AGL: variants seen among roughly 807,000 people sequenced by gnomAD.
AGL encodes the protein glycogen debranching enzyme.
In AGL, 128 loss-of-function variants were observed where a neutral mutation model predicts 199.3. The ratio of observed to expected loss-of-function variants is 0.64; its 90% CI spans 0.56 to 0.74. The LOEUF (loss-of-function observed/expected upper bound fraction) is 0.74. Ranked by LOEUF, AGL falls within the 30% of genes least tolerant of loss-of-function variation. AGL has a pLI of 0.00. For synonymous variants in AGL, 584 were observed against 594.7 expected (o/e 0.98, Z 0.26); for missense variants, 1,809 against 1,820.8 (o/e 0.99, Z 0.12).
chr1:99,872,729 A>C (rs947724562), intron 7 of AGL, among the ~76,000 whole-genome samples: 1 of 152,098 alleles, frequency 6.6e-6, no homozygotes, highest in African/African-American at 2.4e-5. Context: ...GGGTTTCACC[A>C]TGTTGGCCAG....
At chr1:99,855,798 C>A (rs1344902826) in intron 2 of AGL, among the ~76,000 whole-genome samples, 1 of 149,310 alleles carries the variant, frequency 6.7e-6, no homozygotes, top group Non-Finnish European at 1.5e-5. Flanking sequence ...GAGACTCGGT[C>A]TCAAAAAAAA....
At chr1:99,900,514 A>G (rs552556790) in intron 25 of AGL, 122 bp from the exon 26 acceptor site, 6 of 898,926 alleles carry the variant, frequency 6.7e-6, no homozygotes, top group African/African-American at 6.6e-5. Context: ...ACATGAAAAT[A>G]TAAAGAAATA....
At chr1:99,880,996 C>A in intron 14 of AGL, 80 bp from the exon 15 acceptor site, 1 of 1,313,562 alleles carries the variant, frequency 7.6e-7, no homozygotes. Context: ...TGTAATTATC[C>A]TTTTACTTCA....
At chr1:99,875,329 A>G in intron 9 of AGL, 29 bp from the exon 10 acceptor site, 1 of 1,613,346 alleles carries the variant, frequency 6.2e-7, no homozygotes, top group South Asian at 1.1e-5. Flanking sequence ...GAGGATGGTG[A>G]TGATCTAACA....
intron 27 of AGL, among the ~76,000 whole-genome samples, chr1:99,905,379 T>C (rs1654200605): frequency 9.2e-6 from 1 of 108,390 alleles, no homozygotes; most frequent in South Asian, 2.8e-4. Context: ...GTATTTGTTG[T>C]TGTTGTTGTT....
At chr1:99,889,918 A>G (rs1401401447) in intron 21 of AGL, among the ~76,000 whole-genome samples, 1 of 152,178 alleles carries the variant, frequency 6.6e-6, no homozygotes, top group Non-Finnish European at 1.5e-5. Context: ...GCAGGCTGCT[A>G]ATAAGAGCCT....
At position 99,900,823 on chromosome 1, in the gene AGL, C is replaced by A. The variant is rs144788314; in HGVS notation, c.3550C>A (p.Pro1184Thr). The change falls in exon 26 of 34, where the codon CCT (proline) becomes ACT (threonine). Residue 1184 changes from proline to threonine, a missense_variant. Coordinates refer to ENST00000361915, the MANE Select transcript of AGL (RefSeq NM_000642.3). Reference protein sequence around the residue: ...ILKCPVSRMYPTDDSAPLPAG... With the variant: ...ILKCPVSRMYTTDDSAPLPAG... ...CAAGTGCCCAGTTTCCAGAATGTAT[C>A]CTACAGATGATTCTGCTCCTTTGCC... The A allele has an allele frequency of 7.4e-6, 12 of 1,613,272 alleles. No homozygotes were observed. The highest frequency in any genetic ancestry group is 9.3e-6 in the Non-Finnish European group (11 of 1,179,564).
chr1:99,889,057 A>G (rs1652675731), intron 21 of AGL, among the ~76,000 whole-genome samples: 1 of 150,406 alleles, frequency 6.6e-6, no homozygotes, highest in Non-Finnish European at 1.5e-5. Flanking sequence ...GACTAGTTTT[A>G]TAACCTGAAG....
chr1:99,907,776 T>C (rs111828545), intron 27 of AGL, among the ~76,000 whole-genome samples: 311 of 151,628 alleles, frequency 2.1e-3, no homozygotes, highest in Non-Finnish European at 3.3e-3. Context: ...GATTTCTTAG[T>C]GATGTTGAGC....
At chr1:99,859,364 T>A (rs1007276045) in intron 2 of AGL, among the ~76,000 whole-genome samples, 21 of 150,908 alleles carry the variant, frequency 1.4e-4, no homozygotes, top group African/African-American at 4.2e-4. Context: ...GTTTTTTTTT[T>A]AATTAGGATT....
At chr1:99,919,332 G>A (rs1372959425) in intron 33 of AGL, among the ~76,000 whole-genome samples, 1 of 152,142 alleles carries the variant, frequency 6.6e-6, no homozygotes, top group Non-Finnish European at 1.5e-5. Context: ...TATCAGACAG[G>A]AGGGAAATTC....
intron 2 of AGL, among the ~76,000 whole-genome samples, chr1:99,852,107 A>G (rs1649000392): frequency 6.6e-6 from 1 of 151,758 alleles, no homozygotes; most frequent in Non-Finnish European, 1.5e-5. Context: ...TCACTTTTTA[A>G]TTAATTATGG....
intron 33 of AGL, among the ~76,000 whole-genome samples, chr1:99,917,323 T>C (rs1383922955): frequency 1.3e-5 from 2 of 152,080 alleles, no homozygotes; most frequent in Non-Finnish European, 2.9e-5. Flanking sequence ...CAGCACAAAT[T>C]TTATCTCCTT....
intron 31 of AGL, 81 bp downstream of exon 31, chr1:99,915,567 G>A: frequency 1.3e-6 from 1 of 792,214 alleles, no homozygotes; most frequent in Non-Finnish European, 2.0e-6. Context: ...TTTTTTTTTT[G>A]CCAGGGCAAC....
At chr1:99,874,417 A>C in intron 7 of AGL, 1 of 276,196 alleles carries the variant, frequency 3.6e-6, no homozygotes, top group Non-Finnish European at 6.8e-6. Flanking sequence ...CTGAGATTGA[A>C]TTGATAGGAA....
intron 4 of AGL, 59 bp from the exon 5 acceptor site, chr1:99,864,327 T>C: frequency 7.0e-7 from 1 of 1,425,244 alleles, no homozygotes; most frequent in Non-Finnish European, 9.9e-7. Flanking sequence ...ATTTTCTTCA[T>C]TTTAGGCTGG....
intron 7 of AGL, 134 bp downstream of exon 7, chr1:99,871,003 AC>A (rs1650953389): frequency 1.5e-6 from 1 of 649,048 alleles, no homozygotes; most frequent in Non-Finnish European, 2.7e-6. Flanking sequence ...ATATTATAAA[AC>A]TGTGATTCTG....
At chr1:99,874,855 A>G in intron 8 of AGL, 45 bp downstream of exon 8, 3 of 1,592,200 alleles carry the variant, frequency 1.9e-6, no homozygotes, top group Non-Finnish European at 2.6e-6. Context: ...ATTACTTACA[A>G]ACCTTTATGG....
intron 5 of AGL, among the ~76,000 whole-genome samples, chr1:99,869,297 C>T (rs1213383828): frequency 6.6e-6 from 1 of 152,084 alleles, no homozygotes; most frequent in Non-Finnish European, 1.5e-5. Context: ...CTTCTCTGCT[C>T]CTTACATAGC....
Sources: gnomAD v4.1 joint callset for allele counts (sites outside exome capture counted in the v4.1 genomes callset) on GRCh38, gnomAD v4.1.1 for gene constraint, MANE v1.5 for transcripts, NCBI Gene and HGNC (gene_info 2026-07-23, HGNC 2026-07-21) for gene names.